The following TYR variants were observed in gnomAD, a reference collection of about 807,000 sequenced individuals.
TYR encodes tyrosinase, also known as LB24-AB.
In TYR, 58 loss-of-function variants were observed where a neutral mutation model predicts 51.5. The observed-to-expected ratio is 1.13, with a 90% CI of 0.91 to 1.40. The LOEUF (loss-of-function observed/expected upper bound fraction) is 1.40, where lower values mean the gene tolerates loss of function less well. Among genes scored for constraint, TYR ranks in the 40% most tolerant of loss-of-function variants. TYR has a pLI of 0.00. For synonymous variants in TYR, 263 were observed against 235.2 expected, an observed-to-expected ratio of 1.12 and a Z score of -1.08; for missense variants, 732 against 647.4, an observed-to-expected ratio of 1.13 and a Z score of -1.42.
chr11:89,285,328 T>C (rs182108354), intron 4 of TYR, among the ~76,000 whole-genome samples: 1 of 151,842 alleles, frequency 6.6e-6, no homozygotes, highest in East Asian at 2.0e-4. Context: ...CAGAACACAT[T>C]AAAGAATTAT....
intron 3 of TYR, among the ~76,000 whole-genome samples, chr11:89,255,158 C>A (rs1230274640): frequency 1.3e-5 from 2 of 151,604 alleles, no homozygotes; most frequent in Non-Finnish European, 3.0e-5. Flanking sequence ...CAATTTTATT[C>A]CACTGTGGTC....
At chr11:89,230,641 G>GGTTA (rs1404326717) in intron 3 of TYR, among the ~76,000 whole-genome samples, 31 of 151,858 alleles carry the variant, frequency 2.0e-4, no homozygotes, top group African/African-American at 7.3e-4. Context: ...TCTGATAAGG[G>GGTTA]GTTAATATTC....
chr11:89,272,392 AT>A (rs1396326263), intron 3 of TYR, among the ~76,000 whole-genome samples: 1 of 150,748 alleles, frequency 6.6e-6, no homozygotes, highest in African/African-American at 2.5e-5. Context: ...TTTGAATGAA[AT>A]CTTTTTTTTT....
chr11:89,287,440 G>A (rs1473210212), intron 4 of TYR, among the ~76,000 whole-genome samples: 5 of 151,618 alleles, frequency 3.3e-5, no homozygotes, highest in East Asian at 1.9e-4. Context: ...TATTGAATAC[G>A]TACTTTGAAT....
chr11:89,291,626 A>G (rs1337988424), intron 4 of TYR, among the ~76,000 whole-genome samples: 1 of 151,996 alleles, frequency 6.6e-6, no homozygotes, highest in Non-Finnish European at 1.5e-5. Flanking sequence ...TGTTAAGCAT[A>G]TCTTTTAATT....
intron 2 of TYR, among the ~76,000 whole-genome samples, chr11:89,227,105 G>A (rs1236219680): frequency 6.6e-6 from 1 of 152,044 alleles, no homozygotes; most frequent in Non-Finnish European, 1.5e-5. Flanking sequence ...TTTGAATAGG[G>A]ATAATAATTT....
rs1353932513 is a variant in TYR, at chr11:89,251,715, G to A, written c.1184+23745G>A. 2.6e-5 allele frequency among the ~76,000 whole-genome samples: 4 copies of A among 151,792 alleles called. No homozygotes were observed. The South Asian group carries it at 8.3e-4, about 31-fold the overall frequency. ...CTGTACGTCAGGTAAAAAAAGTCAG[G>A]AGAAAAAGCTTCAAGATTCACATGA... On this transcript the variant is annotated intron_variant, in intron 3 of 4. Coordinates refer to ENST00000263321, the MANE Select transcript of TYR (RefSeq NM_000372.5).
chr11:89,258,757 G>A (rs1590883549), intron 3 of TYR, among the ~76,000 whole-genome samples: 2 of 151,934 alleles, frequency 1.3e-5, no homozygotes, highest in East Asian at 1.9e-4. Flanking sequence ...TCAACAATAC[G>A]GCTTTCTTCC....
At chr11:89,262,294 G>T (rs572075206) in intron 3 of TYR, among the ~76,000 whole-genome samples, 14 of 152,080 alleles carry the variant, frequency 9.2e-5, no homozygotes, top group Non-Finnish European at 1.5e-4. Context: ...CCTGACCTCA[G>T]GTGATCTGCC....
At chr11:89,276,513 T>A (rs541527516) in intron 3 of TYR, among the ~76,000 whole-genome samples, 245 of 151,864 alleles carry the variant, frequency 1.6e-3, no homozygotes, top group African/African-American at 5.7e-3. Context: ...CCTTTTTTTT[T>A]AAAGTATGAT....
intron 3 of TYR, among the ~76,000 whole-genome samples, chr11:89,269,376 C>T (rs773786999): frequency 4.6e-5 from 7 of 151,952 alleles, no homozygotes; most frequent in African/African-American, 9.6e-5. Context: ...TATTTGAGTG[C>T]AATTTCTGCC....
Position 89,191,565 on chromosome 11 carries a change from T to C in TYR, c.1036+147T>C, listed in dbSNP as rs1943446996. ...TATATACTTATATCGACAATGACCC[T>C]AGCTGACACTGGTCAGCACGTTATA... On this transcript the variant is annotated intron_variant, in intron 2 of 4. Transcript: ENST00000263321. 3 of 756,234 alleles carry C rather than the reference T, an allele frequency of 4.0e-6. No individual in the cohort carries two copies. In the Admixed American group the frequency reaches 7.2e-5, roughly 18 times the overall value. 46.8% of individuals were successfully genotyped at this position (756,234 alleles called of 1,614,324 possible).
At position 89,178,699 on chromosome 11, in the gene TYR, A is replaced by G; in HGVS notation, c.746A>G (p.Asp249Gly). ...GCAGAAAAGTGTGACATTTGCACAG[A>G]TGAGTACATGGGAGGTCAGCACCCC... is the stretch of plus-strand genomic sequence containing the variant. Reference protein sequence around the residue: ...RDAEKCDICTDEYMGGQHPTN... With the variant: ...RDAEKCDICTGEYMGGQHPTN... The change falls in exon 1 of 5, where the codon GAT becomes GGT. Residue 249 changes from aspartate to glycine, a missense_variant. Coordinates refer to ENST00000263321, the MANE Select transcript of TYR (RefSeq NM_000372.5). 1 of 1,614,106 alleles carries G rather than the reference A, an allele frequency of 6.2e-7. No homozygotes were observed. The highest frequency in any genetic ancestry group is 1.7e-5 in the Admixed American group (1 of 60,014).
intron 1 of TYR, among the ~76,000 whole-genome samples, chr11:89,183,103 T>G (rs924767089): frequency 2.0e-5 from 3 of 152,254 alleles, no homozygotes; most frequent in Admixed American, 6.5e-5. Flanking sequence ...TTCCCCCAGA[T>G]AAACCTCTAA....
intron 3 of TYR, among the ~76,000 whole-genome samples, chr11:89,235,862 A>AT (rs1944103271): frequency 6.6e-6 from 1 of 152,182 alleles, no homozygotes; most frequent in African/African-American, 2.4e-5. Context: ...AATGATAAAT[A>AT]TGTGAGGTGA....
At chr11:89,199,472 T>A (rs1943569087) in intron 2 of TYR, among the ~76,000 whole-genome samples, 1 of 152,168 alleles carries the variant, frequency 6.6e-6, no homozygotes, top group Non-Finnish European at 1.5e-5. Flanking sequence ...CTTAGGAAGA[T>A]TCACTGGAAA....
At chr11:89,274,912 T>TA (rs1323645308) in intron 3 of TYR, among the ~76,000 whole-genome samples, 1 of 151,750 alleles carries the variant, frequency 6.6e-6, no homozygotes, top group Non-Finnish European at 1.5e-5. Flanking sequence ...TCAGCACTCT[T>TA]AAAGTCACCT....
At chr11:89,244,947 G>A (rs7924312) in intron 3 of TYR, among the ~76,000 whole-genome samples, 1 of 152,180 alleles carries the variant, frequency 6.6e-6, no homozygotes, top group Non-Finnish European at 1.5e-5. Flanking sequence ...CAATAGGACA[G>A]GATATTTGGA....
At chr11:89,220,651 C>T (rs1939252) in intron 2 of TYR, among the ~76,000 whole-genome samples, 21 of 152,018 alleles carry the variant, frequency 1.4e-4, no homozygotes, top group Non-Finnish European at 2.5e-4. Flanking sequence ...CTACTCAGAA[C>T]GCTGAGGCAG....
Sources: allele counts gnomAD v4.1 joint callset (sites outside exome capture counted in the v4.1 genomes callset), GRCh38; gene constraint gnomAD v4.1.1; transcripts MANE v1.5; gene names NCBI Gene and HGNC (gene_info 2026-07-23, HGNC 2026-07-21).